Variants in IQSEC3 observed in about 807,000 individuals in gnomAD.
IQSEC3 encodes the protein IQ motif and SEC7 domain-containing protein 3.
A neutral mutation model predicts 105.4 loss-of-function variants in IQSEC3; 50 were observed. The observed-to-expected ratio is 0.47, with a 90% CI of 0.38 to 0.60. The LOEUF is 0.60. Ranked by LOEUF, IQSEC3 falls within the 20% of genes least tolerant of loss-of-function variation. The pLI is 0.00. For missense variants in IQSEC3, 1,415 were observed against 1,630.0 expected, an observed-to-expected ratio of 0.87 and a Z score of 2.27; for synonymous variants, 708 against 746.0, an observed-to-expected ratio of 0.95 and a Z score of 0.83.
intron 1 of IQSEC3, among the ~76,000 whole-genome samples, chr12:89,659 T>C (rs1565387172): frequency 6.6e-6 from 1 of 152,220 alleles, no homozygotes. Context: ...TATAGTTGTG[T>C]CTTTTCTAGA....
At chr12:116,395 G>C (rs1555080622) in intron 2 of IQSEC3, among the ~76,000 whole-genome samples, 1 of 152,170 alleles carries the variant, frequency 6.6e-6, no homozygotes, top group Admixed American at 6.5e-5. Context: ...CTGGTCCCCA[G>C]CTGCCTCTCC....
intron 1 of IQSEC3, among the ~76,000 whole-genome samples, chr12:84,356 A>T (rs1863847818): frequency 6.6e-6 from 1 of 152,226 alleles, no homozygotes; most frequent in Non-Finnish European, 1.5e-5. Flanking sequence ...TGCGTGGCCC[A>T]TATGGTCAGG....
Position 161,965 on chromosome 12 carries a change from T to C in IQSEC3, c.2483T>C (p.Val828Ala), listed in dbSNP as rs782198288. ...DGADIPRELV[V>A]GIYERIQQKE... ...GCTGACATCCCCAGGGAGCTGGTGG[T>C]AGGCATCTATGAGAGGATACAGCAG... is the stretch of plus-strand genomic sequence containing the variant. Residue 828 changes from valine to alanine, a missense_variant, in exon 8 of 14, where the codon GTA becomes GCA. By Grantham distance (64) the Val-to-Ala change is moderately conservative. Transcript: ENST00000538872. 1 of 1,611,548 alleles carries C rather than the reference T, an allele frequency of 6.2e-7. No individual in the cohort carries two copies. The highest frequency in any genetic ancestry group is 8.5e-7 in the Non-Finnish European group (1 of 1,179,006).
chr12:121,864 A>G (rs1555081995), intron 2 of IQSEC3, among the ~76,000 whole-genome samples: 1 of 151,894 alleles, frequency 6.6e-6, no homozygotes, highest in Admixed American at 6.6e-5. Context: ...TGTGTGCTTT[A>G]TTTTTTCCTG....
chr12:76,780 C>T (rs191994048), intron 1 of IQSEC3, among the ~76,000 whole-genome samples: 42 of 152,384 alleles, frequency 2.8e-4, no homozygotes, highest in Admixed American at 2.2e-3. Flanking sequence ...AGCTCAGGTA[C>T]GGGGCGGCCA....
In IQSEC3 at chr12:171,397, C is replaced by G. The variant is rs1286053273; in HGVS notation, c.3114+236C>G. On this transcript the variant is annotated intron_variant, in intron 13 of 13. Transcript: ENST00000538872. ...CCCCTTTCCCCAGCCTGCTGCCCTCCGAGGCCGAGCTCCCAGACTAACACA... is the reference window on the plus strand; with the variant it reads ...CCCCTTTCCCCAGCCTGCTGCCCTCGGAGGCCGAGCTCCCAGACTAACACA... 87 of 1,376,046 alleles carry G rather than the reference C, an allele frequency of 6.3e-5. 1 individual carries two copies. Among genetic ancestry groups the G allele is most frequent in the Non-Finnish European group, 8.7e-5 (85 of 977,186 alleles). 85.2% of individuals were successfully genotyped at this position (1,376,046 alleles called of 1,614,324 possible).
intron 5 of IQSEC3, among the ~76,000 whole-genome samples, chr12:151,953 C>G (rs573505618): frequency 6.6e-6 from 1 of 152,068 alleles, no homozygotes; most frequent in Non-Finnish European, 1.5e-5. Context: ...AATATATCTC[C>G]TTTGTCCTCT....
intron 3 of IQSEC3, among the ~76,000 whole-genome samples, chr12:127,139 T>C (rs1421301832): frequency 6.6e-6 from 1 of 152,206 alleles, no homozygotes; most frequent in Admixed American, 6.5e-5. Flanking sequence ...ATTTGAGGCA[T>C]ACAAGTTACA....
chr12:99,288 A>AC, intron 2 of IQSEC3, 74 bp downstream of exon 2: 1 of 1,364,166 alleles, frequency 7.3e-7, no homozygotes, highest in Admixed American at 1.9e-5. Flanking sequence ...GTACCACTGC[A>AC]CTAGCTATTG....
At chr12:140,792 T>C (rs1865986725) in intron 4 of IQSEC3, 1 of 268,604 alleles carries the variant, frequency 3.7e-6, no homozygotes, top group Admixed American at 5.1e-5. Context: ...TTGGGGCGTC[T>C]GCGGTGGGGA....
chr12:123,684 G>A (rs193148944), intron 2 of IQSEC3, among the ~76,000 whole-genome samples: 3 of 152,154 alleles, frequency 2.0e-5, no homozygotes, highest in Non-Finnish European at 4.4e-5. Context: ...GAAGCACCAG[G>A]AGGAACACCT....
chr12:79,910 C>T (rs1008781273), intron 1 of IQSEC3, among the ~76,000 whole-genome samples: 8 of 152,154 alleles, frequency 5.3e-5, no homozygotes, highest in Non-Finnish European at 1.2e-4. Context: ...TACAGAGATA[C>T]TAGTATCCTA....
chr12:140,121 G>A (rs57408987), intron 4 of IQSEC3: 8,096 of 152,266 alleles, frequency 0.053, 238 homozygotes, highest in East Asian at 0.078. Context: ...GTGTTCATTC[G>A]TTCATTCGGC....
Position 175,078 on chromosome 12 carries a change from G to GCA in IQSEC3, c.*45_*46insCA. 1 of 1,431,134 alleles carries GCA rather than the reference G, an allele frequency of 7.0e-7. No individual in the cohort carries two copies. Among genetic ancestry groups the GCA allele is most frequent in the Non-Finnish European group, 9.2e-7 (1 of 1,081,512 alleles). 88.7% of individuals were successfully genotyped at this position (1,431,134 alleles called of 1,614,324 possible). On this transcript the variant is annotated 3_prime_UTR_variant, in exon 14 of 14. Transcript: ENST00000538872. ...CTGTCCTGGGAGGGCTGGCCACTGG[G>GCA]GGGCCTGGGCTGCCCCTCCACTGCT...
chr12:159,061 C>T (rs1866797309), intron 7 of IQSEC3, among the ~76,000 whole-genome samples: 1 of 152,230 alleles, frequency 6.6e-6, no homozygotes, highest in Non-Finnish European at 1.5e-5. Flanking sequence ...ATCCCACTCA[C>T]GTCAGTGCTC....
intron 13 of IQSEC3, among the ~76,000 whole-genome samples, chr12:171,882 C>T (rs1209378770): frequency 6.6e-6 from 1 of 152,218 alleles, no homozygotes; most frequent in Non-Finnish European, 1.5e-5. Context: ...CCATGCCATA[C>T]AGTGAGGGAC....
At chr12:125,978 G>GGT in intron 3 of IQSEC3, 66 bp downstream of exon 3, 2 of 1,444,870 alleles carry the variant, frequency 1.4e-6, no homozygotes, top group Non-Finnish European at 1.9e-6. Context: ...GGCTGTCGAG[G>GGT]GTACCAGGGA....
At chr12:144,521 G>C (rs940581411) in intron 5 of IQSEC3, 3 of 152,240 alleles carry the variant, frequency 2.0e-5, no homozygotes, top group East Asian at 1.9e-4. Context: ...AGGAAGAGCC[G>C]ATGAGAAAGC....
chr12:135,084 C>T (rs782121258), intron 3 of IQSEC3, among the ~76,000 whole-genome samples: 1 of 152,080 alleles, frequency 6.6e-6, no homozygotes, highest in Non-Finnish European at 1.5e-5. Flanking sequence ...GAGCCGAGAT[C>T]GTGCCACTGC....
Sources: allele counts gnomAD v4.1 joint callset (sites outside exome capture counted in the v4.1 genomes callset), GRCh38; gene constraint gnomAD v4.1.1; transcripts MANE v1.5; gene names NCBI Gene and HGNC (gene_info 2026-07-23, HGNC 2026-07-21).